ARL8A: variants seen among roughly 807,000 people sequenced by gnomAD.
ARL8A encodes ARF like GTPase 8A.
ARL8A carries 10 observed loss-of-function variants against 31.2 expected under a neutral mutation model. That is an observed-to-expected ratio of 0.32 (90% CI 0.20 to 0.54). The LOEUF is 0.54. ARL8A is among the 20% of genes least tolerant of loss of function. The pLI, the probability that ARL8A is intolerant of heterozygous loss-of-function variation, is 0.93. For synonymous variants in ARL8A, 70 were observed against 86.9 expected, an observed-to-expected ratio of 0.81 and a Z score of 1.08; for missense variants, 129 against 242.8, an observed-to-expected ratio of 0.53 and a Z score of 3.12.
At position 202,143,840 on chromosome 1, in the gene ARL8A, A is replaced by G. The variant is rs949275028; in HGVS notation, c.123+610T>C. ...CGATCCTCCCTGGACCCCCGGCTAG[A>G]CACTGCGGGTCGGGGAGAAGTTGGG... On this transcript the variant is annotated intron_variant, in intron 1 of 6. Transcript: ENST00000272217. Among the ~76,000 whole-genome samples the G allele has an allele frequency of 4.6e-5, 7 of 152,200 alleles. No individual in the cohort carries two copies. The South Asian group carries it at 8.3e-4, about 18-fold the overall frequency.
At chr1:202,140,178 G>A (rs1208389627) in intron 1 of ARL8A, among the ~76,000 whole-genome samples, 3 of 151,562 alleles carry the variant, frequency 2.0e-5, no homozygotes, top group African/African-American at 7.3e-5. Flanking sequence ...CGCCCAGGCA[G>A]GAGTGCAGTG....
rs2147809654 is a variant in ARL8A, at chr1:202,134,350, C to T, written c.*117G>A. The T allele has an allele frequency of 1.0e-6, 1 of 999,734 alleles. No homozygotes were observed. The highest frequency in any genetic ancestry group is 2.0e-5 in the Admixed American group (1 of 50,016). 61.9% of individuals were successfully genotyped at this position (999,734 alleles called of 1,614,324 possible). A position where few individuals can be genotyped will look rare whatever the true frequency, so the allele number is the denominator to read the frequency against. On this transcript the variant is annotated 3_prime_UTR_variant, in exon 7 of 7. Transcript: ENST00000272217. The surrounding 1 kb of genome is among the most constrained non-coding windows in gnomAD (Gnocchi z 4.2). ...ACAGGACTCTGGGGTCCCCAGAGGG[C>T]CCTCCTCACACTGGGTGAGGAGGGG...
At chr1:202,137,929 A>T in intron 3 of ARL8A, 36 bp downstream of exon 3, 7 of 1,612,194 alleles carry the variant, frequency 4.3e-6, no homozygotes, top group Non-Finnish European at 5.9e-6. Flanking sequence ...GGGGCCGGGT[A>T]AGGCTGGAGT....
intron 1 of ARL8A, among the ~76,000 whole-genome samples, chr1:202,143,861 T>G (rs1655229553): frequency 6.6e-6 from 1 of 152,226 alleles, no homozygotes; most frequent in Non-Finnish European, 1.5e-5. Context: ...CGGGGAGAAG[T>G]TGGGGAGGAG....
rs900988137 is a variant in ARL8A at position 202,134,594 on chromosome 1, C to G, written c.512-78G>C. 2.9e-6 allele frequency: 4 copies of G among 1,357,630 alleles called. No homozygotes were observed. The highest frequency in any genetic ancestry group is 4.2e-6 in the Non-Finnish European group (4 of 946,962). 84.1% of individuals were successfully genotyped at this position (1,357,630 alleles called of 1,614,324 possible). A position where few individuals can be genotyped will look rare whatever the true frequency, so the allele number is the denominator to read the frequency against. ...GGGGCAGCAGAGAGGCCCAAGAAAC[C>G]AAACCTAAGGGTATCAGAAGTCCAG... On this transcript the variant is annotated intron_variant, in intron 6 of 6. Transcript: ENST00000272217. The surrounding 1 kb of genome is among the most constrained non-coding windows in gnomAD (Gnocchi z 4.2).
intron 3 of ARL8A, among the ~76,000 whole-genome samples, chr1:202,136,662 T>C (rs891305052): frequency 6.6e-6 from 1 of 152,142 alleles, no homozygotes; most frequent in Non-Finnish European, 1.5e-5. Context: ...CTCGGCTTCC[T>C]GGACTCAAGA....
chr1:202,135,611 T>C lies in ARL8A; in HGVS notation c.373-85A>G. The C allele has an allele frequency of 6.3e-7, 1 of 1,580,208 alleles. No homozygotes were observed. Reference sequence around the variant, plus strand: ...GGTGAGCTGGCCTCCTGGGTCCCGTTTCCTCTCTGCGCCCCTACCATGCCT... The same window carrying C: ...GGTGAGCTGGCCTCCTGGGTCCCGTCTCCTCTCTGCGCCCCTACCATGCCT... On this transcript the variant is annotated intron_variant, in intron 4 of 6. Transcript: ENST00000272217. This position sits in a 1 kb window ranked among gnomAD's most constrained non-coding sequence, Gnocchi z 5.3.
At chr1:202,143,519 A>G (rs1048608071) in intron 1 of ARL8A, among the ~76,000 whole-genome samples, 1 of 152,220 alleles carries the variant, frequency 6.6e-6, no homozygotes, top group Non-Finnish European at 1.5e-5. Context: ...CTCGACCCAC[A>G]AGCCCTGTCT....
Position 202,137,957 on chromosome 1 carries a change from G to T in ARL8A, c.278+8C>A. Reference sequence around the variant, plus strand: ...GCTGGAGTCTGGCGATGCCTCCCGTGTACTTACACGATGGCGCTCACTCCT... The same window carrying T: ...GCTGGAGTCTGGCGATGCCTCCCGTTTACTTACACGATGGCGCTCACTCCT... On this transcript the variant is annotated splice_region_variant and intron_variant, in intron 3 of 6. Coordinates refer to ENST00000272217, the MANE Select transcript of ARL8A (RefSeq NM_138795.4). 1 of 1,614,066 alleles carries T rather than the reference G, an allele frequency of 6.2e-7. No homozygotes were observed. Among genetic ancestry groups the T allele is most frequent in the Non-Finnish European group, 8.5e-7 (1 of 1,179,982 alleles).
Position 202,138,266 on chromosome 1 carries a change from C to T in ARL8A, c.204+102G>A. The T allele has an allele frequency of 2.9e-6, 4 of 1,379,658 alleles. No homozygotes were observed. The highest frequency in any genetic ancestry group is 2.2e-4 in the Middle Eastern group (1 of 4,574). 85.5% of individuals were successfully genotyped at this position (1,379,658 alleles called of 1,614,324 possible). On this transcript the variant is annotated intron_variant, in intron 2 of 6. Transcript: ENST00000272217. This position sits in a 1 kb window ranked among gnomAD's most constrained non-coding sequence, Gnocchi z 4.4. ...GGCCTCTGCCCCACTTCAGCTCGCT[C>T]CTCCCAGGGGCCTCCGTTGCCCTCC...
chr1:202,138,528 G>T lies in ARL8A; in HGVS notation c.124-80C>A. On this transcript the variant is annotated intron_variant, in intron 1 of 6. Coordinates refer to ENST00000272217, the MANE Select transcript of ARL8A (RefSeq NM_138795.4). This position sits in a 1 kb window ranked among gnomAD's most constrained non-coding sequence, Gnocchi z 4.4. Reference sequence around the variant, plus strand: ...CAGACCAAGAGGCTGCGAGAACCATGCAGAGGCCAGGCCAGAGCTTCCTAG... The same window carrying T: ...CAGACCAAGAGGCTGCGAGAACCATTCAGAGGCCAGGCCAGAGCTTCCTAG... 1 of 1,367,932 alleles carries T rather than the reference G, an allele frequency of 7.3e-7. No individual in the cohort carries two copies. Among genetic ancestry groups the T allele is most frequent in the Non-Finnish European group, 1.0e-6 (1 of 960,562 alleles). The allele number at this position is 1,367,932 out of a possible 1,614,324, so 84.7% of individuals were successfully genotyped here. A position where few individuals can be genotyped will look rare whatever the true frequency, so the allele number is the denominator to read the frequency against.
Position 202,138,176 on chromosome 1 carries a change from C to A in ARL8A, c.205-138G>T. 8.5e-7 allele frequency: 1 copy of A among 1,172,646 alleles called. No homozygotes were observed. The highest frequency in any genetic ancestry group is 1.3e-5 in the South Asian group (1 of 74,800). The allele number at this position is 1,172,646 out of a possible 1,614,324, so 72.6% of individuals were successfully genotyped here. Reference sequence around the variant, plus strand: ...CCTCTCCAGTTCTCCCCCGTCTCCACCCGCTCTCCGTCTACCTTAGAAGTC... The same window carrying A: ...CCTCTCCAGTTCTCCCCCGTCTCCAACCGCTCTCCGTCTACCTTAGAAGTC... On this transcript the variant is annotated intron_variant, in intron 2 of 6. Coordinates refer to ENST00000272217, the MANE Select transcript of ARL8A (RefSeq NM_138795.4). This position sits in a 1 kb window ranked among gnomAD's most constrained non-coding sequence, Gnocchi z 4.4.
At chr1:202,139,297 G>C (rs915739232) in intron 1 of ARL8A, among the ~76,000 whole-genome samples, 1 of 152,160 alleles carries the variant, frequency 6.6e-6, no homozygotes, top group African/African-American at 2.4e-5. Context: ...GGGCTCGGCC[G>C]GGCGCGATGG....
In ARL8A at chr1:202,144,421, C is replaced by A; in HGVS notation, c.123+29G>T. 1 of 1,358,414 alleles carries A rather than the reference C, an allele frequency of 7.4e-7. No homozygotes were observed. 84.1% of individuals were successfully genotyped at this position (1,358,414 alleles called of 1,614,324 possible). A position where few individuals can be genotyped will look rare whatever the true frequency, so the allele number is the denominator to read the frequency against. ...ACAGGCCCGACCCGCGGCCCGCGCCCGGGGACCCCGCGCCCGACGCCCTCG... is the reference window on the plus strand; with the variant it reads ...ACAGGCCCGACCCGCGGCCCGCGCCAGGGGACCCCGCGCCCGACGCCCTCG... On this transcript the variant is annotated intron_variant, in intron 1 of 6. Transcript: ENST00000272217. The surrounding 1 kb of genome is among the most constrained non-coding windows in gnomAD (Gnocchi z 5.2).
chr1:202,141,258 A>C (rs1391399221), intron 1 of ARL8A, among the ~76,000 whole-genome samples: 1 of 152,196 alleles, frequency 6.6e-6, no homozygotes, highest in African/African-American at 2.4e-5. Flanking sequence ...ACCTGAAGTC[A>C]TGCAGCCCAA....
In ARL8A at chr1:202,135,058, C is replaced by T; in HGVS notation, c.511+92G>A. 1 of 1,332,614 alleles carries T rather than the reference C, an allele frequency of 7.5e-7. No individual in the cohort carries two copies. Among genetic ancestry groups the T allele is most frequent in the Non-Finnish European group, 1.1e-6 (1 of 933,474 alleles). The allele number at this position is 1,332,614 out of a possible 1,614,324, so 82.5% of individuals were successfully genotyped here. ...TACCCAAGAGCCACAGGGCTTTGGA[C>T]TTCAGGGAAAGTTGTGGAGCGAGAA... On this transcript the variant is annotated intron_variant, in intron 6 of 6. Coordinates refer to ENST00000272217, the MANE Select transcript of ARL8A (RefSeq NM_138795.4). The surrounding 1 kb of genome is among the most constrained non-coding windows in gnomAD (Gnocchi z 5.3).
intron 3 of ARL8A, among the ~76,000 whole-genome samples, chr1:202,136,979 C>A (rs940229347): frequency 2.0e-5 from 3 of 151,852 alleles, no homozygotes; most frequent in African/African-American, 7.2e-5. Flanking sequence ...CTCAGCCTCG[C>A]GAGTAGCTGG....
Position 202,138,515 on chromosome 1 carries a change from C to A in ARL8A, c.124-67G>T. The A allele has an allele frequency of 6.8e-7, 1 of 1,481,158 alleles. No individual in the cohort carries two copies. The highest frequency in any genetic ancestry group is 9.4e-7 in the Non-Finnish European group (1 of 1,060,774). The allele number at this position is 1,481,158 out of a possible 1,614,324, so 91.8% of individuals were successfully genotyped here. A position where few individuals can be genotyped will look rare whatever the true frequency, so the allele number is the denominator to read the frequency against. On this transcript the variant is annotated intron_variant, in intron 1 of 6. Transcript: ENST00000272217. This position sits in a 1 kb window ranked among gnomAD's most constrained non-coding sequence, Gnocchi z 4.4. ...TATGCCCCCACCGCAGACCAAGAGG[C>A]TGCGAGAACCATGCAGAGGCCAGGC...
At position 202,135,404 on chromosome 1, in the gene ARL8A, T is replaced by G. The variant is rs1654977997; in HGVS notation, c.440+55A>C. On this transcript the variant is annotated intron_variant, in intron 5 of 6. Coordinates refer to ENST00000272217, the MANE Select transcript of ARL8A (RefSeq NM_138795.4). This position sits in a 1 kb window ranked among gnomAD's most constrained non-coding sequence, Gnocchi z 5.3. Reference sequence around the variant, plus strand: ...AACAGCAGCAAGCCTAGGCTGTTGGTCTGGTGGTTGGGGAATTGGGAGAGC... The same window carrying G: ...AACAGCAGCAAGCCTAGGCTGTTGGGCTGGTGGTTGGGGAATTGGGAGAGC... 6.3e-7 allele frequency: 1 copy of G among 1,588,584 alleles called. No homozygotes were observed. The highest frequency in any genetic ancestry group is 1.3e-5 in the African/African-American group (1 of 74,324).
Sources: gnomAD v4.1 joint callset for allele counts (sites outside exome capture counted in the v4.1 genomes callset) on GRCh38, gnomAD v4.1.1 for gene constraint, Gnocchi (gnomAD v3.1) non-coding constraint, MANE v1.5 for transcripts, NCBI Gene and HGNC (gene_info 2026-07-23, HGNC 2026-07-21) for gene names.